The following MTHFD1L variants were observed in gnomAD, a reference collection of about 807,000 sequenced individuals.
MTHFD1L encodes methylenetetrahydrofolate dehydrogenase (NADP+ dependent) 1 like.
Under a neutral mutation model 119.5 loss-of-function variants are expected in MTHFD1L, and 81 were observed. The ratio of observed to expected loss-of-function variants is 0.68; its 90% confidence interval spans 0.57 to 0.82. The LOEUF (loss-of-function observed/expected upper bound fraction) is 0.82. Ranked by LOEUF, MTHFD1L falls within the 40% of genes least tolerant of loss-of-function variation. The pLI is 0.00. For missense variants in MTHFD1L, 1,125 were observed against 1,253.4 expected, an observed-to-expected ratio of 0.90 and a Z score of 1.55; for synonymous variants, 430 against 475.2, an observed-to-expected ratio of 0.90 and a Z score of 1.24.
At chr6:150,951,058 A>G (rs1202697092) in intron 16 of MTHFD1L, among the ~76,000 whole-genome samples, 2 of 135,244 alleles carry the variant, frequency 1.5e-5, no homozygotes, top group African/African-American at 2.7e-5. Context: ...TTTTTTTGAG[A>G]CAGGGCCTCA....
intron 13 of MTHFD1L, chr6:150,939,099 T>C: frequency 4.2e-6 from 1 of 239,356 alleles, no homozygotes; most frequent in East Asian, 9.1e-5. Context: ...ATTCAGAATC[T>C]TGAAACCCTG....
Position 150,932,816 on chromosome 6 carries a change from G to GAGGAAGGAAGGAAAGAAAGAAGGA in MTHFD1L, c.1257-3975_1257-3974insAGAAAGAAGGAAGGAAGGAAGGAA, listed in dbSNP as rs769300755. 1.7e-3 allele frequency among the ~76,000 whole-genome samples: 203 copies of GAGGAAGGAAGGAAAGAAAGAAGGA among 119,538 alleles called. 5 individuals are homozygous for GAGGAAGGAAGGAAAGAAAGAAGGA. The highest frequency in any genetic ancestry group is 6.3e-3 in the African/African-American group (190 of 30,352). The allele number at this position is 119,538 out of a possible 152,430, so 78.4% of individuals were successfully genotyped here. On this transcript the variant is annotated intron_variant, in intron 11 of 27. Transcript: ENST00000367321. ...GAAGAAAGGGAGGAAGAGAGGGAGG[G>GAGGAAGGAAGGAAAGAAAGAAGGA]AGGAAGGAAGGAAGGAAGGAAGGAA...
chr6:151,028,714 T>C (rs945807758), intron 24 of MTHFD1L, among the ~76,000 whole-genome samples: 19 of 152,170 alleles, frequency 1.2e-4, no homozygotes, highest in Admixed American at 9.8e-4. Context: ...CAGAGAGTTC[T>C]GGAGGTTGGT....
chr6:150,955,268 A>G (rs764827905), intron 16 of MTHFD1L, among the ~76,000 whole-genome samples: 2 of 152,106 alleles, frequency 1.3e-5, no homozygotes, highest in Non-Finnish European at 2.9e-5. Context: ...ATATTTCACT[A>G]TGCACCATGT....
chr6:150,950,087 G>A (rs1384153841), intron 16 of MTHFD1L, among the ~76,000 whole-genome samples: 1 of 152,100 alleles, frequency 6.6e-6, no homozygotes, highest in East Asian at 1.9e-4. Flanking sequence ...AGATTATCTT[G>A]CTTCCGTTTC....
intron 9 of MTHFD1L, among the ~76,000 whole-genome samples, chr6:150,920,238 G>A (rs747659206): frequency 5.9e-5 from 9 of 152,212 alleles, no homozygotes; most frequent in Non-Finnish European, 8.8e-5. Context: ...AAGAGAAGGA[G>A]AATTGTCCTC....
At chr6:151,026,447 A>G (rs545494896) in intron 24 of MTHFD1L, among the ~76,000 whole-genome samples, 48 of 152,320 alleles carry the variant, frequency 3.2e-4, no homozygotes, top group African/African-American at 1.0e-3. Context: ...TGCTTTTAAT[A>G]GCCACATGAG....
intron 20 of MTHFD1L, among the ~76,000 whole-genome samples, chr6:151,006,847 G>T (rs1437119795): frequency 1.3e-5 from 2 of 152,010 alleles, no homozygotes; most frequent in African/African-American, 4.8e-5. Context: ...AGAACTTAGA[G>T]ATCACTTGAT....
chr6:150,892,631 C>T (rs1475149360), intron 7 of MTHFD1L, among the ~76,000 whole-genome samples: 1 of 152,206 alleles, frequency 6.6e-6, no homozygotes, highest in African/African-American at 2.4e-5. Context: ...ACTTGTCCCC[C>T]TCTACCTGGC....
intron 2 of MTHFD1L, 40 bp from the exon 3 acceptor site, chr6:150,877,594 A>G: frequency 6.2e-7 from 1 of 1,607,738 alleles, no homozygotes; most frequent in Middle Eastern, 1.8e-4. Flanking sequence ...TGCCTTTTCA[A>G]GCTATTTTTA....
chr6:151,034,897 C>A (rs1265021033), intron 25 of MTHFD1L, among the ~76,000 whole-genome samples: 1 of 152,150 alleles, frequency 6.6e-6, no homozygotes, highest in Admixed American at 6.5e-5. Context: ...CCACTCAGCC[C>A]TGAATGTTGA....
chr6:151,060,309 A>G (rs1790467667), intron 26 of MTHFD1L, among the ~76,000 whole-genome samples: 1 of 152,224 alleles, frequency 6.6e-6, no homozygotes, highest in South Asian at 2.1e-4. Flanking sequence ...TAATGGATGC[A>G]TCACTGTGCA....
chr6:150,914,070 C>T (rs1787430857), intron 8 of MTHFD1L, among the ~76,000 whole-genome samples: 1 of 152,214 alleles, frequency 6.6e-6, no homozygotes, highest in Admixed American at 6.5e-5. Flanking sequence ...GCGGAGGCTG[C>T]AGTGAGCCAA....
intron 17 of MTHFD1L, among the ~76,000 whole-genome samples, chr6:150,956,632 C>T (rs1048169052): frequency 2.0e-5 from 3 of 151,922 alleles, no homozygotes; most frequent in Non-Finnish European, 4.4e-5. Context: ...CAAATTAATT[C>T]CTATGATTTT....
At chr6:150,936,716 C>A (rs1792124632) in intron 11 of MTHFD1L, 88 bp from the exon 12 acceptor site, 2 of 1,470,480 alleles carry the variant, frequency 1.4e-6, no homozygotes, top group South Asian at 1.2e-5. Flanking sequence ...AAATGAGCAC[C>A]CTCAGATTTG....
intron 11 of MTHFD1L, among the ~76,000 whole-genome samples, chr6:150,930,867 T>C (rs562826139): frequency 1.6e-4 from 25 of 152,302 alleles, no homozygotes; most frequent in African/African-American, 5.5e-4. Flanking sequence ...TTCTTCAAAC[T>C]TTAGGATTTC....
intron 2 of MTHFD1L, among the ~76,000 whole-genome samples, chr6:150,877,332 A>C (rs1406085732): frequency 6.6e-6 from 1 of 152,214 alleles, no homozygotes; most frequent in Non-Finnish European, 1.5e-5. Context: ...GATTACAGGC[A>C]TGAGCCACTG....
chr6:150,945,458 T>C lies in MTHFD1L; in HGVS notation c.1549-9T>C. 6.2e-7 allele frequency: 1 copy of C among 1,608,518 alleles called. No homozygotes were observed. Among genetic ancestry groups the C allele is most frequent in the Non-Finnish European group, 8.5e-7 (1 of 1,178,422 alleles). On this transcript the variant is annotated splice_polypyrimidine_tract_variant and intron_variant, in intron 14 of 27. Coordinates refer to ENST00000367321, the MANE Select transcript of MTHFD1L (RefSeq NM_015440.5). ...TTTGTGTGGTCTCATTTTTGTTTTG[T>C]GTTTTTAGGCTCTGTATAATCGGCT...
chr6:151,066,995 A>ATTTTT (rs36035374), intron 26 of MTHFD1L, among the ~76,000 whole-genome samples: 29 of 138,582 alleles, frequency 2.1e-4, no homozygotes, highest in Admixed American at 4.4e-4. Flanking sequence ...TATCAATTTG[A>ATTTTT]TTTTTTTTTT....
Sources: allele counts gnomAD v4.1 joint callset (sites outside exome capture counted in the v4.1 genomes callset), GRCh38; gene constraint gnomAD v4.1.1; transcripts MANE v1.5; gene names NCBI Gene and HGNC (gene_info 2026-07-23, HGNC 2026-07-21).